MAML3: variants seen among roughly 807,000 people sequenced by gnomAD.
MAML3 encodes the protein mastermind-like protein 3.
MAML3 carries 27 observed loss-of-function variants against 101.9 expected under a neutral mutation model. That is an observed-to-expected ratio of 0.27 (90% CI 0.20 to 0.37). The LOEUF (loss-of-function observed/expected upper bound fraction) is 0.37, where lower values mean the gene tolerates loss of function less well. MAML3 is among the 10% of genes least tolerant of loss of function. MAML3 has a pLI of 1.00. For missense variants in MAML3, 1,316 were observed against 1,444.9 expected (o/e 0.91, Z 1.45); for synonymous variants, 501 against 555.9 (o/e 0.90, Z 1.39).
At chr4:139,946,168 T>C (rs1235085553) in intron 1 of MAML3, among the ~76,000 whole-genome samples, 7 of 152,228 alleles carry the variant, frequency 4.6e-5, no homozygotes, top group African/African-American at 7.2e-5. Context: ...ATTCAAGATA[T>C]GTAACATTGG....
At chr4:140,076,522 T>G (rs1727768792) in intron 1 of MAML3, among the ~76,000 whole-genome samples, 1 of 152,214 alleles carries the variant, frequency 6.6e-6, no homozygotes, top group Non-Finnish European at 1.5e-5. Context: ...TCCTGTCTCT[T>G]CAAAGTCTTA....
At chr4:139,882,719 C>T (rs186674744) in intron 2 of MAML3, among the ~76,000 whole-genome samples, 3 of 152,064 alleles carry the variant, frequency 2.0e-5, no homozygotes, top group East Asian at 3.9e-4. Flanking sequence ...TGTGGTGGCA[C>T]GCACCTGTAA....
At chr4:139,848,966 T>A (rs1420271700) in intron 2 of MAML3, among the ~76,000 whole-genome samples, 2 of 152,226 alleles carry the variant, frequency 1.3e-5, no homozygotes, top group Non-Finnish European at 2.9e-5. Flanking sequence ...ATTTTCAGCC[T>A]GCTAGAATGA....
intron 2 of MAML3, among the ~76,000 whole-genome samples, chr4:139,848,861 C>T (rs1008418435): frequency 3.9e-5 from 6 of 152,120 alleles, no homozygotes; most frequent in South Asian, 2.1e-4. Context: ...ACATGCTTTA[C>T]GCTATGAAAT....
At chr4:140,051,721 A>C (rs966428528) in intron 1 of MAML3, among the ~76,000 whole-genome samples, 7 of 152,174 alleles carry the variant, frequency 4.6e-5, no homozygotes, top group African/African-American at 1.7e-4. Flanking sequence ...GTGTTATGCA[A>C]ATATTTTGCT....
At chr4:139,805,971 G>A (rs1730693426) in intron 2 of MAML3, among the ~76,000 whole-genome samples, 1 of 152,042 alleles carries the variant, frequency 6.6e-6, no homozygotes. Context: ...CAAGAATAAG[G>A]GGGGATATCT....
At chr4:139,823,361 C>T (rs192506558) in intron 2 of MAML3, among the ~76,000 whole-genome samples, 4 of 152,250 alleles carry the variant, frequency 2.6e-5, no homozygotes, top group African/African-American at 9.6e-5. Context: ...CCATCCTTGC[C>T]CACCCTCCAA....
intron 1 of MAML3, among the ~76,000 whole-genome samples, chr4:140,036,997 G>A (rs552629056): frequency 6.6e-6 from 1 of 152,226 alleles, no homozygotes; most frequent in Non-Finnish European, 1.5e-5. Context: ...ATATCAGACT[G>A]ATATTGTCAC....
chr4:139,742,142 TTCTTTTC>T (rs1339501805), intron 2 of MAML3, among the ~76,000 whole-genome samples: 1 of 88,514 alleles, frequency 1.1e-5, no homozygotes. Flanking sequence ...AACTTTTCTT[TTCTTTTC>T]TTTTTTTTTT....
chr4:140,119,729 C>T (rs1728574677), intron 1 of MAML3, among the ~76,000 whole-genome samples: 1 of 151,866 alleles, frequency 6.6e-6, no homozygotes, highest in Non-Finnish European at 1.5e-5. Context: ...TCAAGGGATC[C>T]TCTCACCTCA....
At chr4:140,122,677 A>G (rs1393215098) in intron 1 of MAML3, among the ~76,000 whole-genome samples, 3 of 150,166 alleles carry the variant, frequency 2.0e-5, no homozygotes, top group Non-Finnish European at 4.5e-5. Context: ...CTGTAGTCCC[A>G]GCTACTTGGG....
intron 1 of MAML3, among the ~76,000 whole-genome samples, chr4:139,906,261 A>G (rs962017847): frequency 6.6e-6 from 1 of 152,170 alleles, no homozygotes; most frequent in Admixed American, 6.5e-5. Context: ...CCCAGCATGT[A>G]TATATTTTCA....
At chr4:140,062,836 T>C (rs1727469402) in intron 1 of MAML3, among the ~76,000 whole-genome samples, 2 of 152,344 alleles carry the variant, frequency 1.3e-5, no homozygotes, top group East Asian at 3.9e-4. Context: ...TTCCACTTAT[T>C]TCCTCAACTG....
At chr4:139,994,725 T>A (rs1229415650) in intron 1 of MAML3, among the ~76,000 whole-genome samples, 1 of 152,132 alleles carries the variant, frequency 6.6e-6, no homozygotes, top group African/African-American at 2.4e-5. Context: ...ATCTTGTATC[T>A]TGCAATTTTG....
chr4:139,952,461 C>A (rs1733847467), intron 1 of MAML3, among the ~76,000 whole-genome samples: 1 of 152,106 alleles, frequency 6.6e-6, no homozygotes, highest in African/African-American at 2.4e-5. Context: ...TCAAACTCTG[C>A]AGTTTATAGA....
chr4:139,809,086 G>C (rs1382130604), intron 2 of MAML3, among the ~76,000 whole-genome samples: 1 of 152,216 alleles, frequency 6.6e-6, no homozygotes, highest in African/African-American at 2.4e-5. Context: ...GGGCCTGCCA[G>C]GGTTCTTATT....
chr4:140,095,064 C>A (rs1490260829), intron 1 of MAML3, among the ~76,000 whole-genome samples: 1 of 152,206 alleles, frequency 6.6e-6, no homozygotes, highest in South Asian at 2.1e-4. Context: ...CTGCAGCCAC[C>A]CACAGCCTTG....
intron 1 of MAML3, among the ~76,000 whole-genome samples, chr4:139,914,370 C>G (rs1173432377): frequency 1.3e-5 from 2 of 152,118 alleles, no homozygotes; most frequent in Non-Finnish European, 2.9e-5. Context: ...CCTGGTAGAG[C>G]TCACAACAGA....
intron 1 of MAML3, among the ~76,000 whole-genome samples, chr4:140,029,037 CT>C (rs1560871280): frequency 6.6e-6 from 1 of 152,138 alleles, no homozygotes; most frequent in Non-Finnish European, 1.5e-5. Context: ...AGTAAAGCAC[CT>C]GCCCCAATTC....
Sources: allele counts gnomAD v4.1 joint callset (sites outside exome capture counted in the v4.1 genomes callset), GRCh38; gene constraint gnomAD v4.1.1; transcripts MANE v1.5; gene names NCBI Gene and HGNC (gene_info 2026-07-23, HGNC 2026-07-21).